Variants in TTC28 observed in about 807,000 individuals in gnomAD.
The protein encoded by TTC28 is tetratricopeptide repeat protein 28.
Under a neutral mutation model 198.0 loss-of-function variants are expected in TTC28, and 61 were observed. The ratio of observed to expected loss-of-function variants is 0.31; its 90% CI spans 0.25 to 0.38. TTC28 has a LOEUF of 0.38. Ranked by LOEUF, TTC28 falls within the 10% of genes least tolerant of loss-of-function variation. The pLI is 1.00. For synonymous variants in TTC28, 1,171 were observed against 1,297.8 expected, an observed-to-expected ratio of 0.90 and a Z score of 2.10; for missense variants, 2,678 against 3,164.0, an observed-to-expected ratio of 0.85 and a Z score of 3.69.
intron 2 of TTC28, among the ~76,000 whole-genome samples, chr22:28,603,924 G>C (rs928735155): frequency 6.6e-6 from 1 of 152,118 alleles, no homozygotes. Context: ...TTCCAAAAGA[G>C]ACTAATTTTA....
chr22:28,421,669 C>T (rs1034338015), intron 2 of TTC28, among the ~76,000 whole-genome samples: 1 of 152,056 alleles, frequency 6.6e-6, no homozygotes, highest in Non-Finnish European at 1.5e-5. Context: ...AGTCATGGGC[C>T]GGGTGCGGTG....
intron 2 of TTC28, among the ~76,000 whole-genome samples, chr22:28,377,574 C>G (rs752291974): frequency 6.6e-6 from 1 of 152,088 alleles, no homozygotes; most frequent in Non-Finnish European, 1.5e-5. Context: ...TTTAAGTGTT[C>G]TTTACACTAC....
At chr22:28,266,131 G>C (rs990759199) in intron 5 of TTC28, among the ~76,000 whole-genome samples, 2 of 149,418 alleles carry the variant, frequency 1.3e-5, no homozygotes, top group Non-Finnish European at 1.5e-5. Flanking sequence ...AGTGAGCCAA[G>C]ATCACACCAC....
chr22:28,575,755 T>C (rs1041079745), intron 2 of TTC28, among the ~76,000 whole-genome samples: 3 of 152,168 alleles, frequency 2.0e-5, no homozygotes, highest in African/African-American at 7.2e-5. Context: ...CTAGGTATAT[T>C]ATATGTAGCT....
intron 2 of TTC28, among the ~76,000 whole-genome samples, chr22:28,547,583 C>G (rs963417657): frequency 1.3e-5 from 2 of 152,062 alleles, no homozygotes; most frequent in African/African-American, 2.4e-5. Flanking sequence ...ATCTAGTATT[C>G]TGAGTCACAA....
chr22:28,086,780 G>GAAA (rs779123776), intron 12 of TTC28, among the ~76,000 whole-genome samples: 2 of 151,846 alleles, frequency 1.3e-5, no homozygotes, highest in Admixed American at 6.6e-5. Flanking sequence ...GACTAATAAA[G>GAAA]AAAAGAGAGA....
intron 5 of TTC28, among the ~76,000 whole-genome samples, chr22:28,240,461 G>A (rs1269735441): frequency 1.3e-5 from 2 of 151,968 alleles, no homozygotes; most frequent in Non-Finnish European, 2.9e-5. Flanking sequence ...TATAAATGGT[G>A]TATACATACA....
chr22:28,356,942 T>C (rs919913833), intron 2 of TTC28, among the ~76,000 whole-genome samples: 1 of 152,234 alleles, frequency 6.6e-6, no homozygotes, highest in African/African-American at 2.4e-5. Flanking sequence ...CCCATGCAAC[T>C]ACAGTGGTGG....
At chr22:28,147,671 GAT>G (rs1943500876) in intron 6 of TTC28, among the ~76,000 whole-genome samples, 1 of 152,134 alleles carries the variant, frequency 6.6e-6, no homozygotes, top group Non-Finnish European at 1.5e-5. Context: ...TTGGGTTTTT[GAT>G]TTCTAAACAG....
chr22:28,444,206 G>A (rs1449356588), intron 2 of TTC28, among the ~76,000 whole-genome samples: 1 of 152,126 alleles, frequency 6.6e-6, no homozygotes, highest in Non-Finnish European at 1.5e-5. Context: ...CCATAAAGCT[G>A]TTTTGATAGC....
chr22:28,406,896 A>T (rs1569308981), intron 2 of TTC28, among the ~76,000 whole-genome samples: 1 of 152,168 alleles, frequency 6.6e-6, no homozygotes, highest in Non-Finnish European at 1.5e-5. Flanking sequence ...AATTTTGGAA[A>T]GGCTATTAAC....
chr22:28,164,646 G>A (rs868042261), intron 5 of TTC28, among the ~76,000 whole-genome samples: 8 of 152,094 alleles, frequency 5.3e-5, no homozygotes, highest in South Asian at 2.1e-4. Flanking sequence ...CCATCTCCAC[G>A]TCACCATCAT....
chr22:28,574,673 A>G (rs1425212183), intron 2 of TTC28, among the ~76,000 whole-genome samples: 1 of 152,028 alleles, frequency 6.6e-6, no homozygotes, highest in Non-Finnish European at 1.5e-5. Context: ...TTCTCCATAT[A>G]CTCAACAGCA....
chr22:27,999,129 C>T lies in TTC28; in HGVS notation c.4530G>A (p.Glu1510=), dbSNP rs1285235751. 2 of 1,550,598 alleles carry T rather than the reference C, an allele frequency of 1.3e-6. No individual in the cohort carries two copies. Among genetic ancestry groups the T allele is most frequent in the African/African-American group, 2.7e-5 (2 of 73,192 alleles). Residue 1510 remains glutamate, a synonymous_variant, in exon 16 of 23, where the codon GAG becomes GAA. Transcript: ENST00000397906. ...CCAGCAGCTCGGACACCATGTAGGC[C>T]TCTTCCTCGGCCGATGGCATGGGCC... The part of the protein sequence containing the change: ...LWGPMPSAEE[E]AYMVSELLGC...
At position 28,403,320 on chromosome 22, in the gene TTC28, G is replaced by A. The variant is rs371112638; in HGVS notation, c.382-96677C>T. Among the ~76,000 whole-genome samples the A allele has an allele frequency of 5.3e-5, 8 of 152,286 alleles. No homozygotes were observed. In the South Asian group the frequency reaches 6.2e-4, roughly 12 times the overall value. On this transcript the variant is annotated intron_variant, in intron 2 of 22. Transcript: ENST00000397906. ...TTTTGTCTTCATCACAGATGATTCC[G>A]TTATGAATAAAGCCGTTTTCCTCCT...
intron 2 of TTC28, among the ~76,000 whole-genome samples, chr22:28,587,664 C>T (rs1455470491): frequency 9.2e-5 from 14 of 151,742 alleles, no homozygotes; most frequent in Admixed American, 9.2e-4. Context: ...CCAGGCTGGT[C>T]TCAAACTCCT....
chr22:28,292,815 C>T (rs1382711074), intron 5 of TTC28, among the ~76,000 whole-genome samples: 5 of 152,124 alleles, frequency 3.3e-5, no homozygotes. Flanking sequence ...TTAAAGCTTG[C>T]CTCAAAAAGA....
At chr22:28,606,228 T>C (rs2050731449) in intron 2 of TTC28, among the ~76,000 whole-genome samples, 1 of 151,950 alleles carries the variant, frequency 6.6e-6, no homozygotes, top group African/African-American at 2.4e-5. Flanking sequence ...GTATTACACA[T>C]GCACGCCATC....
At chr22:28,028,481 G>A (rs1459284204) in intron 13 of TTC28, among the ~76,000 whole-genome samples, 2 of 152,330 alleles carry the variant, frequency 1.3e-5, no homozygotes, top group African/African-American at 2.4e-5. Context: ...AGATATACCT[G>A]GCTTGACCCT....
Sources: gnomAD v4.1 joint callset for allele counts (sites outside exome capture counted in the v4.1 genomes callset) on GRCh38, gnomAD v4.1.1 for gene constraint, MANE v1.5 for transcripts, NCBI Gene and HGNC (gene_info 2026-07-23, HGNC 2026-07-21) for gene names.